Variants in KDM6A observed in about 807,000 individuals in gnomAD.
KDM6A encodes the protein lysine-specific demethylase 6A.
In KDM6A, 11 loss-of-function variants were observed where a neutral mutation model predicts 117.6. The ratio of observed to expected loss-of-function variants is 0.09; its 90% CI spans 0.06 to 0.15. The LOEUF (loss-of-function observed/expected upper bound fraction) is 0.15. Ranked by LOEUF, KDM6A falls within the 10% of genes least tolerant of loss-of-function variation. The pLI, the probability that KDM6A is intolerant of heterozygous loss-of-function variation, is 1.00. For synonymous variants in KDM6A, 384 were observed against 396.1 expected, an observed-to-expected ratio of 0.97 and a Z score of 0.36; for missense variants, 799 against 1,077.3, an observed-to-expected ratio of 0.74 and a Z score of 3.62.
chrX:45,020,086 ATCAGT>A (rs1023682319), intron 5 of KDM6A, among the ~76,000 whole-genome samples: 12 of 111,738 alleles, frequency 1.1e-4, no homozygotes, highest in African/African-American at 3.6e-4. Flanking sequence ...ACTATTGGAT[ATCAGT>A]TTGGAAAATA....
At chrX:45,076,131 T>C (rs1231139488) in intron 18 of KDM6A, among the ~76,000 whole-genome samples, 1 of 111,509 alleles carries the variant, frequency 9.0e-6, no homozygotes, top group Non-Finnish European at 1.9e-5. Context: ...AGAGAGTAGA[T>C]AGCAGTTATA....
intron 8 of KDM6A, among the ~76,000 whole-genome samples, chrX:45,050,629 TA>T (rs1391030001): frequency 5.4e-5 from 6 of 111,977 alleles, no homozygotes; most frequent in Non-Finnish European, 1.1e-4. Flanking sequence ...CTGGTAATGA[TA>T]TGAATAAAAG....
chrX:44,972,816 C>T (rs924301289), intron 3 of KDM6A, among the ~76,000 whole-genome samples: 4 of 111,126 alleles, frequency 3.6e-5, no homozygotes, highest in Non-Finnish European at 7.6e-5. Flanking sequence ...AGGTGGATCA[C>T]TTGAGGTCGG....
intron 8 of KDM6A, among the ~76,000 whole-genome samples, chrX:45,040,684 C>A (rs1602686035): frequency 1.4e-5 from 1 of 74,033 alleles, no homozygotes; most frequent in African/African-American, 5.4e-5. Flanking sequence ...TGACCCCCCC[C>A]ACCTCCCTCC....
At chrX:44,886,221 CTAATTTTTTTAG>C (rs2032858681) in intron 2 of KDM6A, among the ~76,000 whole-genome samples, 1 of 108,979 alleles carries the variant, frequency 9.2e-6, no homozygotes, top group Non-Finnish European at 1.9e-5. Flanking sequence ...CCCTGCCCGG[CTAATTTTTTTAG>C]TAGAGACGGT....
At chrX:45,004,072 CATG>C (rs1280882920) in intron 4 of KDM6A, among the ~76,000 whole-genome samples, 2 of 110,970 alleles carry the variant, frequency 1.8e-5, no homozygotes, top group Non-Finnish European at 3.8e-5. Flanking sequence ...CGTTGAAAGT[CATG>C]AGCGGAAGGG....
Position 45,070,032 on chromosome X carries a change from G to C in KDM6A, c.2533G>C (p.Gly845Arg), listed in dbSNP as rs2148048684. The C allele has an allele frequency of 8.3e-7, 1 of 1,211,215 alleles. No individual in the cohort carries two copies. The highest frequency in any genetic ancestry group is 1.1e-6 in the Non-Finnish European group (1 of 895,100). The change falls in exon 18 of 30, where the codon GGT becomes CGT. Residue 845 changes from glycine (G) to arginine (R), a missense_variant. By Grantham distance (125) the Gly-to-Arg change is moderately radical. Transcript: ENST00000611820. ...LLMGKANNNVGTGTCDKVNNI... is the reference protein window; with the variant it reads ...LLMGKANNNVRTGTCDKVNNI... Reference sequence around the variant, plus strand: ...GATGGGAAAAGCCAATAACAATGTGGGTACTGGAACCTGTGACAAAGTCAA... The same window carrying C: ...GATGGGAAAAGCCAATAACAATGTGCGTACTGGAACCTGTGACAAAGTCAA...
intron 9 of KDM6A, 121 bp from the exon 10 acceptor site, chrX:45,053,708 A>G (rs906714101): frequency 4.0e-5 from 24 of 594,631 alleles, no homozygotes; most frequent in African/African-American, 3.4e-4. Flanking sequence ...TATGTACTCC[A>G]AACTAAATTA....
chrX:44,981,626 GC>G (rs2039911459), intron 4 of KDM6A, among the ~76,000 whole-genome samples: 2 of 111,859 alleles, frequency 1.8e-5, no homozygotes, highest in Non-Finnish European at 3.8e-5. Context: ...GGAGAATGGG[GC>G]TGAAAAGTCC....
chrX:44,989,987 A>G (rs73634317), intron 4 of KDM6A, among the ~76,000 whole-genome samples: 1,558 of 111,909 alleles, frequency 0.014, 32 homozygotes, highest in African/African-American at 0.048. Context: ...AGGCCTTAAA[A>G]AAAGGATTTG....
chrX:45,016,559 G>C (rs569892969), intron 5 of KDM6A, among the ~76,000 whole-genome samples: 1 of 110,953 alleles, frequency 9.0e-6, no homozygotes, highest in Non-Finnish European at 1.9e-5. Flanking sequence ...GAGTGCAGTG[G>C]CACAATCAAG....
chrX:44,907,481 C>CT (rs1157850343), intron 2 of KDM6A, among the ~76,000 whole-genome samples: 1,968 of 73,100 alleles, frequency 0.027, 23 homozygotes, highest in South Asian at 0.051. Flanking sequence ...TTTTTTTTTT[C>CT]TTTTTTTTTT....
chrX:44,966,560 G>C (rs2039020897), intron 3 of KDM6A, among the ~76,000 whole-genome samples: 1 of 111,085 alleles, frequency 9.0e-6, no homozygotes, highest in Admixed American at 9.6e-5. Context: ...ACTAGCTGGT[G>C]AGAGTAATCT....
At chrX:45,087,985 T>C (rs1220438083) in intron 25 of KDM6A, among the ~76,000 whole-genome samples, 1 of 111,760 alleles carries the variant, frequency 8.9e-6, no homozygotes, top group Non-Finnish European at 1.9e-5. Context: ...ATAATACCTG[T>C]CTTGAAATAA....
At chrX:45,041,988 G>A (rs1602700452) in intron 8 of KDM6A, among the ~76,000 whole-genome samples, 1 of 110,344 alleles carries the variant, frequency 9.1e-6, no homozygotes, top group Non-Finnish European at 1.9e-5. Context: ...ACGAGACTCC[G>A]TCTGCAATCC....
chrX:44,970,667 C>CG (rs2039295879), intron 3 of KDM6A, among the ~76,000 whole-genome samples: 2 of 111,780 alleles, frequency 1.8e-5, no homozygotes, highest in South Asian at 7.5e-4. Flanking sequence ...ACAAAATTGT[C>CG]AGGGACCAAG....
chrX:45,107,967 G>A (rs2046591440), intron 28 of KDM6A, among the ~76,000 whole-genome samples: 1 of 111,854 alleles, frequency 8.9e-6, no homozygotes. Context: ...GAACAAAGAT[G>A]TGGTGCCTCC....
At chrX:44,916,888 C>T (rs753289192) in intron 2 of KDM6A, among the ~76,000 whole-genome samples, 5 of 110,799 alleles carry the variant, frequency 4.5e-5, no homozygotes, top group African/African-American at 1.6e-4. Context: ...ACAAGCGATC[C>T]TCCTGCCTCA....
At chrX:45,088,063 G>A (rs757824792) in intron 25 of KDM6A, among the ~76,000 whole-genome samples, 1 of 110,395 alleles carries the variant, frequency 9.1e-6, no homozygotes, top group East Asian at 2.8e-4. Context: ...GGGGCGGGGG[G>A]TGTCTGTTTG....
Sources: gnomAD v4.1 joint callset for allele counts (sites outside exome capture counted in the v4.1 genomes callset) on GRCh38, gnomAD v4.1.1 for gene constraint, MANE v1.5 for transcripts, NCBI Gene and HGNC (gene_info 2026-07-23, HGNC 2026-07-21) for gene names.